The following PDE4D variants were observed in gnomAD, a reference collection of about 807,000 sequenced individuals.
PDE4D encodes the protein phosphodiesterase 4D.
PDE4D carries 24 observed loss-of-function variants against 87.4 expected under a neutral mutation model. That is an observed-to-expected ratio of 0.27 (90% CI 0.20 to 0.39). The LOEUF (loss-of-function observed/expected upper bound fraction) is 0.39, where lower values mean the gene tolerates loss of function less well. PDE4D is among the 10% of genes least tolerant of loss of function. The probability of loss-of-function intolerance (pLI) is 1.00; values close to 1 mark genes in which losing one functional copy is unlikely to be tolerated. For synonymous variants in PDE4D, 384 were observed against 383.2 expected, an observed-to-expected ratio of 1.00 and a Z score of -0.02; for missense variants, 714 against 1,041.0, an observed-to-expected ratio of 0.69 and a Z score of 4.32.
intron 1 of PDE4D, among the ~76,000 whole-genome samples, chr5:59,809,842 A>G (rs185612071): frequency 1.8e-4 from 28 of 152,252 alleles, no homozygotes; most frequent in African/African-American, 6.7e-4. Context: ...GTTAGTGCTC[A>G]CTCCAAACTA....
intron 5 of PDE4D, among the ~76,000 whole-genome samples, chr5:59,125,778 G>A (rs1332743465): frequency 6.6e-6 from 1 of 152,170 alleles, no homozygotes; most frequent in Non-Finnish European, 1.5e-5. Context: ...ACAACTTAGG[G>A]AGACAGGTCA....
chr5:59,051,159 G>A (rs1761489174), intron 5 of PDE4D, among the ~76,000 whole-genome samples: 1 of 152,192 alleles, frequency 6.6e-6, no homozygotes, highest in South Asian at 2.1e-4. Flanking sequence ...ATCACTTGAG[G>A]CCAGGAGTTC....
At chr5:59,596,859 G>T (rs1046501010) in intron 1 of PDE4D, among the ~76,000 whole-genome samples, 1 of 152,004 alleles carries the variant, frequency 6.6e-6, no homozygotes, top group Non-Finnish European at 1.5e-5. Flanking sequence ...GTTCAAGGTG[G>T]GGTTGAACCA....
intron 1 of PDE4D, among the ~76,000 whole-genome samples, chr5:59,550,174 CAT>C (rs1399187609): frequency 6.6e-6 from 1 of 151,744 alleles, no homozygotes; most frequent in Admixed American, 6.6e-5. Context: ...TTTCATTTAA[CAT>C]AATGAAAATC....
chr5:59,560,745 G>C (rs1819840638), intron 1 of PDE4D: 3 of 152,174 alleles, frequency 2.0e-5, no homozygotes, highest in Admixed American at 1.3e-4. Context: ...TAAATACGGG[G>C]AAAAGCTAGC....
intron 1 of PDE4D, among the ~76,000 whole-genome samples, chr5:60,240,431 G>T (rs1404192290): frequency 1.3e-5 from 2 of 152,110 alleles, no homozygotes; most frequent in Non-Finnish European, 1.5e-5. Flanking sequence ...TTCTGGACCT[G>T]CCCTGAGCCA....
intron 3 of PDE4D, among the ~76,000 whole-genome samples, chr5:59,192,534 G>C (rs1038294725): frequency 1.3e-5 from 2 of 151,952 alleles, no homozygotes; most frequent in African/African-American, 4.8e-5. Flanking sequence ...AACTCTACCA[G>C]TTGAAAAAAA....
At chr5:59,637,835 G>A (rs994306803) in intron 1 of PDE4D, among the ~76,000 whole-genome samples, 3 of 152,260 alleles carry the variant, frequency 2.0e-5, no homozygotes, top group Admixed American at 6.5e-5. Flanking sequence ...ACTGAATCTG[G>A]TTTTCAATAC....
chr5:60,365,412 C>T (rs1164021440), intron 1 of PDE4D, among the ~76,000 whole-genome samples: 2 of 152,174 alleles, frequency 1.3e-5, no homozygotes, highest in Non-Finnish European at 2.9e-5. Context: ...ACAGTGGCCA[C>T]TCCCTATAAA....
At chr5:59,370,984 G>A (rs185928026) in intron 1 of PDE4D, among the ~76,000 whole-genome samples, 1 of 152,312 alleles carries the variant, frequency 6.6e-6, no homozygotes, top group Admixed American at 6.5e-5. Context: ...CATGGCCCAG[G>A]ATGGCTTTGA....
chr5:59,267,192 C>T (rs1486462939), intron 1 of PDE4D, among the ~76,000 whole-genome samples: 1 of 151,994 alleles, frequency 6.6e-6, no homozygotes, highest in Non-Finnish European at 1.5e-5. Flanking sequence ...TGTTGCCTAT[C>T]CCATGTTAGA....
chr5:59,405,128 T>C (rs755307797), intron 1 of PDE4D, among the ~76,000 whole-genome samples: 7 of 152,178 alleles, frequency 4.6e-5, no homozygotes, highest in African/African-American at 1.7e-4. Context: ...ATGTCATTGG[T>C]ATTTTGATAG....
chr5:59,953,772 G>A (rs1281660299), intron 3 of PDE4D, among the ~76,000 whole-genome samples: 1 of 152,136 alleles, frequency 6.6e-6, no homozygotes, highest in Non-Finnish European at 1.5e-5. Context: ...TCTCCCATTT[G>A]CTTTACCCAT....
intron 1 of PDE4D, among the ~76,000 whole-genome samples, chr5:60,502,862 G>A (rs61058479): frequency 0.077 from 11,705 of 152,042 alleles, 1,293 homozygotes; most frequent in African/African-American, 0.25. Context: ...TTTAATATCA[G>A]TTCTATAACA....
At chr5:59,175,455 CTA>C (rs1311987114) in intron 5 of PDE4D, among the ~76,000 whole-genome samples, 1 of 142,740 alleles carries the variant, frequency 7.0e-6, no homozygotes, top group Non-Finnish European at 1.5e-5. Context: ...ATTCGGAACT[CTA>C]TCCATTTTTC....
intron 7 of PDE4D, among the ~76,000 whole-genome samples, chr5:58,993,124 A>T (rs962195164): frequency 2.0e-5 from 3 of 152,184 alleles, no homozygotes; most frequent in Admixed American, 6.5e-5. Flanking sequence ...CTATGAAAAA[A>T]TGGCAATATA....
At chr5:60,167,266 CTTTTTTTTTTTTTTTT>C (rs142613050) in intron 2 of PDE4D, among the ~76,000 whole-genome samples, 2 of 86,474 alleles carry the variant, frequency 2.3e-5, no homozygotes, top group Non-Finnish European at 4.3e-5. Context: ...TGTGTATTTT[CTTTTTTTTTTTTTTTT>C]TTTTTGAGAC....
At chr5:59,503,066 A>G (rs983293397) in intron 1 of PDE4D, among the ~76,000 whole-genome samples, 1 of 152,116 alleles carries the variant, frequency 6.6e-6, no homozygotes, top group Non-Finnish European at 1.5e-5. Context: ...AAGCATCAGA[A>G]AGCATAATTT....
chr5:59,053,655 G>GTTT (rs1367942598), intron 5 of PDE4D, among the ~76,000 whole-genome samples: 2 of 74,898 alleles, frequency 2.7e-5, no homozygotes, highest in East Asian at 5.5e-4. Context: ...GTTTTTTTTT[G>GTTT]TTGTTGTTTT....
Sources: gnomAD v4.1 joint callset for allele counts (sites outside exome capture counted in the v4.1 genomes callset) on GRCh38, gnomAD v4.1.1 for gene constraint, MANE v1.5 for transcripts, NCBI Gene and HGNC (gene_info 2026-07-23, HGNC 2026-07-21) for gene names.